Variants in UNC13C observed in about 807,000 individuals in gnomAD.
UNC13C encodes unc-13 homolog C.
In UNC13C, 174 loss-of-function variants were observed where a neutral mutation model predicts 245.4. The ratio of observed to expected loss-of-function variants is 0.71; its 90% CI spans 0.63 to 0.80. UNC13C has a LOEUF of 0.80. Among genes scored for constraint, UNC13C ranks in the 30% least tolerant of loss-of-function variants. UNC13C has a pLI of 0.00. For missense variants in UNC13C, 2,829 were observed against 2,602.9 expected, an observed-to-expected ratio of 1.09 and a Z score of -1.89; for synonymous variants, 992 against 895.1, an observed-to-expected ratio of 1.11 and a Z score of -1.93.
At chr15:54,032,465 C>T (rs12439980) in intron 2 of UNC13C, among the ~76,000 whole-genome samples, 1 of 152,058 alleles carries the variant, frequency 6.6e-6, no homozygotes. Context: ...ATTCAGGTAA[C>T]TAGTAGGGAG....
At chr15:54,487,971 A>T (rs919258364) in intron 19 of UNC13C, among the ~76,000 whole-genome samples, 1 of 151,932 alleles carries the variant, frequency 6.6e-6, no homozygotes, top group Admixed American at 6.6e-5. Context: ...TTAACACTAT[A>T]GCTTACTTTT....
chr15:54,419,654 T>C lies in UNC13C; in HGVS notation c.4933+4587T>C, dbSNP rs76246939. 9.4e-3 allele frequency among the ~76,000 whole-genome samples: 1,437 copies of C among 152,222 alleles called. 18 individuals are homozygous for C. The highest frequency in any genetic ancestry group is 0.033 in the African/African-American group (1,385 of 41,548). On this transcript the variant is annotated intron_variant, in intron 19 of 32. Transcript: ENST00000260323. ...CCTGCCTGAACTCAAACTCTAAGAT[T>C]CTAGTTTTATCTCATATAATTCTGC...
chr15:54,331,225 T>C (rs1337945649), intron 14 of UNC13C, among the ~76,000 whole-genome samples: 1 of 152,070 alleles, frequency 6.6e-6, no homozygotes, highest in Non-Finnish European at 1.5e-5. Context: ...TCCCATTTTA[T>C]TTTTTGATGA....
intron 19 of UNC13C, among the ~76,000 whole-genome samples, chr15:54,436,784 A>G (rs1260533615): frequency 6.6e-6 from 1 of 151,916 alleles, no homozygotes; most frequent in Non-Finnish European, 1.5e-5. Context: ...TACCTATGTA[A>G]CAAACCTGCA....
intron 29 of UNC13C, among the ~76,000 whole-genome samples, chr15:54,565,738 A>T (rs1228588802): frequency 6.6e-6 from 1 of 152,042 alleles, no homozygotes; most frequent in African/African-American, 2.4e-5. Context: ...ATTAATTTGT[A>T]TTACTAGGGA....
chr15:54,421,554 G>T (rs2040644077), intron 19 of UNC13C, among the ~76,000 whole-genome samples: 1 of 151,906 alleles, frequency 6.6e-6, no homozygotes, highest in Non-Finnish European at 1.5e-5. Context: ...AGACATCCTG[G>T]GAATAGGGCC....
chr15:54,044,903 C>A (rs1042231422), intron 2 of UNC13C, among the ~76,000 whole-genome samples: 2 of 151,616 alleles, frequency 1.3e-5, no homozygotes, highest in African/African-American at 4.8e-5. Flanking sequence ...AATTATTTGC[C>A]CAGTTTTTAG....
At chr15:54,150,444 G>T (rs938577901) in intron 4 of UNC13C, among the ~76,000 whole-genome samples, 3 of 152,174 alleles carry the variant, frequency 2.0e-5, no homozygotes, top group African/African-American at 4.8e-5. Flanking sequence ...CAGTCCTCAC[G>T]CAGAGCAAGC....
chr15:53,933,157 T>C, the UNC13C span, among the ~76,000 whole-genome samples: 1 of 152,206 alleles, frequency 6.6e-6, no homozygotes, highest in Non-Finnish European at 1.5e-5. Flanking sequence ...CATCTCAGCC[T>C]GGACAATTAG....
chr15:53,965,096 G>A, the UNC13C span, among the ~76,000 whole-genome samples: 8 of 152,052 alleles, frequency 5.3e-5, no homozygotes, highest in Non-Finnish European at 1.0e-4. Context: ...ACTCACACAG[G>A]CAACACAGCA....
the UNC13C span, among the ~76,000 whole-genome samples, chr15:53,971,499 T>C: frequency 6.6e-6 from 1 of 152,034 alleles, no homozygotes; most frequent in Non-Finnish European, 1.5e-5. Flanking sequence ...AATGAATAGG[T>C]AACTAACAGA....
intron 8 of UNC13C, among the ~76,000 whole-genome samples, chr15:54,252,213 G>A (rs1596086569): frequency 6.6e-6 from 1 of 152,182 alleles, no homozygotes; most frequent in African/African-American, 2.4e-5. Context: ...AGAAAAAAAT[G>A]ATGCCACTCA....
intron 13 of UNC13C, among the ~76,000 whole-genome samples, chr15:54,316,274 G>T (rs2038006798): frequency 6.6e-6 from 1 of 151,838 alleles, no homozygotes; most frequent in South Asian, 2.1e-4. Context: ...CTGGAAATTT[G>T]TGCTCTGTTA....
chr15:54,544,323 A>G (rs1896387721), intron 26 of UNC13C, among the ~76,000 whole-genome samples: 1 of 152,182 alleles, frequency 6.6e-6, no homozygotes. Flanking sequence ...ATTTATGACA[A>G]ACCCACAGCC....
intron 2 of UNC13C, among the ~76,000 whole-genome samples, chr15:54,125,135 T>C (rs565963214): frequency 1.3e-5 from 2 of 152,204 alleles, no homozygotes; most frequent in South Asian, 4.2e-4. Context: ...TATCTTTCCA[T>C]ATAAGTTTCG....
chr15:53,921,079 C>G, the UNC13C span, among the ~76,000 whole-genome samples: 1 of 151,770 alleles, frequency 6.6e-6, no homozygotes, highest in Non-Finnish European at 1.5e-5. Flanking sequence ...TGAGCTAGCC[C>G]TGTGGTAGGA....
At chr15:54,117,523 T>TTCTCTC (rs56332846) in intron 2 of UNC13C, among the ~76,000 whole-genome samples, 3,635 of 101,980 alleles carry the variant, frequency 0.036, 121 homozygotes, top group African/African-American at 0.049. Context: ...ACTATTATGT[T>TTCTCTC]TCTCTCTCTC....
At chr15:53,924,026 A>G in the UNC13C span, among the ~76,000 whole-genome samples, 1 of 152,116 alleles carries the variant, frequency 6.6e-6, no homozygotes, top group Non-Finnish European at 1.5e-5. Context: ...AACATGGTGA[A>G]ACCCCATCTC....
chr15:54,138,828 G>A (rs916867653), intron 2 of UNC13C, among the ~76,000 whole-genome samples: 2 of 151,930 alleles, frequency 1.3e-5, no homozygotes, highest in African/African-American at 4.8e-5. Flanking sequence ...TACTCCCTCT[G>A]AAGGAACTAG....
Sources: gnomAD v4.1 joint callset for allele counts (sites outside exome capture counted in the v4.1 genomes callset) on GRCh38, gnomAD v4.1.1 for gene constraint, MANE v1.5 for transcripts, NCBI Gene and HGNC (gene_info 2026-07-23, HGNC 2026-07-21) for gene names.